SNX29: variants seen among roughly 807,000 people sequenced by gnomAD.
SNX29 encodes the protein sorting nexin 29.
A neutral mutation model predicts 102.1 loss-of-function variants in SNX29; 78 were observed. That is an observed-to-expected ratio of 0.76 (90% CI 0.64 to 0.92). The LOEUF is 0.92. Ranked by LOEUF, SNX29 falls within the 40% of genes least tolerant of loss-of-function variation. SNX29 has a pLI of 0.00. For synonymous variants in SNX29, 580 were observed against 414.5 expected (o/e 1.40, Z -4.85); for missense variants, 1,280 against 1,061.7 (o/e 1.21, Z -2.86).
chr16:12,214,912 C>G (rs1267487157), intron 14 of SNX29, among the ~76,000 whole-genome samples: 1 of 152,150 alleles, frequency 6.6e-6, no homozygotes, highest in Non-Finnish European at 1.5e-5. Flanking sequence ...GTGACAGATT[C>G]AAGAAACATT....
intron 16 of SNX29, among the ~76,000 whole-genome samples, chr16:12,378,374 G>T (rs1365041843): frequency 6.6e-6 from 1 of 152,198 alleles, no homozygotes. Context: ...TAGAGGCCAG[G>T]TGCGGTGGCT....
In SNX29 at chr16:11,976,754, A is replaced by C; in HGVS notation, c.-53A>C. On this transcript the variant is annotated 5_prime_UTR_variant, in exon 1 of 21. Transcript: ENST00000566228. ...GGCCTGTCTGGAGCTCGGCAGCCGC[A>C]GAAGCGGCAGCGGCGGCGGCGCGGC... The C allele has an allele frequency of 8.0e-7, 1 of 1,250,768 alleles. No homozygotes were observed. Among genetic ancestry groups the C allele is most frequent in the South Asian group, 2.2e-5 (1 of 45,108 alleles). 77.5% of individuals were successfully genotyped at this position (1,250,768 alleles called of 1,614,324 possible).
chr16:12,150,158 C>T (rs552929425), intron 13 of SNX29, among the ~76,000 whole-genome samples: 35 of 152,050 alleles, frequency 2.3e-4, no homozygotes, highest in Middle Eastern at 6.8e-3. Context: ...CAGATCTGTT[C>T]GAGGGACAGA....
At chr16:12,164,474 GC>G (rs1460933018) in intron 13 of SNX29, among the ~76,000 whole-genome samples, 23 of 152,056 alleles carry the variant, frequency 1.5e-4, no homozygotes. Flanking sequence ...TTTGCCCCTG[GC>G]CTAGCATTAC....
At chr16:12,342,133 C>T (rs999258932) in intron 15 of SNX29, among the ~76,000 whole-genome samples, 5 of 152,124 alleles carry the variant, frequency 3.3e-5, no homozygotes, top group African/African-American at 1.2e-4. Flanking sequence ...TTGGGGGTGG[C>T]CTAGGCAGGG....
chr16:12,060,458 C>T (rs572669524), intron 8 of SNX29, among the ~76,000 whole-genome samples: 8 of 152,174 alleles, frequency 5.3e-5, no homozygotes, highest in South Asian at 2.1e-4. Context: ...AAAAATTAGC[C>T]GGGTATGGTG....
chr16:12,067,971 C>G (rs926265085), intron 9 of SNX29, among the ~76,000 whole-genome samples: 1 of 151,612 alleles, frequency 6.6e-6, no homozygotes, highest in African/African-American at 2.4e-5. Flanking sequence ...TTGTGAATGC[C>G]TTTCCTAAAT....
intron 13 of SNX29, among the ~76,000 whole-genome samples, chr16:12,168,661 G>A (rs2076073130): frequency 6.6e-6 from 1 of 152,140 alleles, no homozygotes; most frequent in African/African-American, 2.4e-5. Flanking sequence ...TTTTCCCTTT[G>A]CTTCATCTCT....
chr16:12,192,599 A>C (rs987390254), intron 13 of SNX29, among the ~76,000 whole-genome samples: 17 of 151,610 alleles, frequency 1.1e-4, no homozygotes, highest in African/African-American at 3.9e-4. Flanking sequence ...GCAGCCTGCA[A>C]CTCCTGTGCT....
chr16:12,311,195 A>AC (rs1328004106), intron 15 of SNX29, among the ~76,000 whole-genome samples: 2 of 151,422 alleles, frequency 1.3e-5, no homozygotes, highest in Non-Finnish European at 2.9e-5. Flanking sequence ...TTTTTTCTGA[A>AC]CCCCCCGCCC....
chr16:12,035,344 TG>T (rs904743615), intron 4 of SNX29, among the ~76,000 whole-genome samples: 7 of 152,052 alleles, frequency 4.6e-5, no homozygotes, highest in African/African-American at 1.7e-4. Context: ...CTCAAGTAGC[TG>T]GGACTGCACA....
chr16:12,043,611 C>T (rs1465177310), intron 5 of SNX29, among the ~76,000 whole-genome samples: 1 of 152,098 alleles, frequency 6.6e-6, no homozygotes, highest in Non-Finnish European at 1.5e-5. Flanking sequence ...CCCACCTCAG[C>T]CTCCCAAAGT....
In SNX29 at chr16:12,457,823, T is replaced by G. The variant is rs7196429; in HGVS notation, c.2038-19896T>G. On this transcript the variant is annotated intron_variant, in intron 18 of 20. Transcript: ENST00000566228. ...TGTTATGAGAGAGAAATGAGTACAT[T>G]GGGTAAATTAACTGTATTACGATGT... 3.4e-3 allele frequency among the ~76,000 whole-genome samples: 515 copies of G among 152,312 alleles called. 3 individuals carry two copies. The highest frequency in any genetic ancestry group is 0.012 in the African/African-American group (498 of 41,568).
At chr16:12,530,804 C>A (rs912763884) in intron 20 of SNX29, among the ~76,000 whole-genome samples, 1 of 152,206 alleles carries the variant, frequency 6.6e-6, no homozygotes, top group African/African-American at 2.4e-5. Flanking sequence ...GATCCACCCG[C>A]CTTGGCCTCC....
At chr16:12,484,797 C>T (rs1337850473) in intron 19 of SNX29, among the ~76,000 whole-genome samples, 2 of 152,222 alleles carry the variant, frequency 1.3e-5, no homozygotes, top group Non-Finnish European at 2.9e-5. Flanking sequence ...CTCAGTCACT[C>T]TCTGGCCCTT....
At chr16:12,015,182 T>C (rs1057059643) in intron 3 of SNX29, among the ~76,000 whole-genome samples, 1 of 152,146 alleles carries the variant, frequency 6.6e-6, no homozygotes, top group Admixed American at 6.5e-5. Context: ...CATAATGCTG[T>C]GCATTTTTAT....
Position 12,572,233 on chromosome 16 carries a change from T to C in SNX29, c.*3604T>C. The stretch of plus-strand genomic sequence containing the variant: ...AAAAACCAGAGGCTCCTGAAAGTCG[T>C]TTACACCAGGTGGATTGATACCATG... On this transcript the variant is annotated 3_prime_UTR_variant, in exon 21 of 21. Transcript: ENST00000566228. 9.7e-7 allele frequency: 1 copy of C among 1,036,138 alleles called. No homozygotes were observed. Among genetic ancestry groups the C allele is most frequent in the East Asian group, 5.1e-5 (1 of 19,642 alleles). 64.2% of individuals were successfully genotyped at this position (1,036,138 alleles called of 1,614,324 possible).
chr16:12,229,123 T>G (rs531027134), intron 14 of SNX29, among the ~76,000 whole-genome samples: 45 of 152,338 alleles, frequency 3.0e-4, no homozygotes, highest in Non-Finnish European at 5.9e-4. Context: ...TCCAGCTATG[T>G]TTTATGGAGC....
At chr16:12,250,117 A>T (rs953805938) in intron 14 of SNX29, among the ~76,000 whole-genome samples, 1 of 152,194 alleles carries the variant, frequency 6.6e-6, no homozygotes, top group African/African-American at 2.4e-5. Flanking sequence ...GCAGGAACCA[A>T]CATAAAACCA....
Sources: allele counts gnomAD v4.1 joint callset (sites outside exome capture counted in the v4.1 genomes callset), GRCh38; gene constraint gnomAD v4.1.1; transcripts MANE v1.5; gene names NCBI Gene and HGNC (gene_info 2026-07-23, HGNC 2026-07-21).